The following USP42 variants were observed in gnomAD, a reference collection of about 807,000 sequenced individuals.
USP42 encodes the protein ubiquitin specific peptidase 42.
In USP42, 23 loss-of-function variants were observed where a neutral mutation model predicts 113.0. The observed-to-expected ratio is 0.20, with a 90% CI of 0.15 to 0.29. The LOEUF is 0.29. Ranked by LOEUF, USP42 falls within the 10% of genes least tolerant of loss-of-function variation. The pLI, the probability that USP42 is intolerant of heterozygous loss-of-function variation, is 1.00. For synonymous variants in USP42, 933 were observed against 699.0 expected (o/e 1.33, Z -5.28); for missense variants, 2,174 against 1,779.8 (o/e 1.22, Z -3.99).
At chr7:6,127,776 A>G (rs1780618860) in intron 3 of USP42, among the ~76,000 whole-genome samples, 1 of 152,226 alleles carries the variant, frequency 6.6e-6, no homozygotes, top group East Asian at 1.9e-4. Context: ...CAAATTATAA[A>G]ATAATCTATA....
In USP42 at chr7:6,145,605, G is replaced by C; in HGVS notation, c.1080G>C (p.Leu360=). Residue 360 remains leucine (L), a synonymous_variant, in exon 10 of 18, where the codon CTG becomes CTC. Coordinates refer to ENST00000306177, the MANE Select transcript of USP42 (RefSeq NM_032172.3). The part of the protein sequence containing the change: ...EPIVYVLYAV[L]VHTGFNCHAG... ...TTGTCTACGTCTTGTATGCAGTGCT[G>C]GTCCACACTGGTTTTAATTGCCATG... is the stretch of plus-strand genomic sequence containing the variant. The C allele has an allele frequency of 6.2e-7, 1 of 1,613,960 alleles. No homozygotes were observed. Among genetic ancestry groups the C allele is most frequent in the Non-Finnish European group, 8.5e-7 (1 of 1,179,882 alleles).
At chr7:6,130,071 C>T (rs1780765672) in intron 3 of USP42, among the ~76,000 whole-genome samples, 1 of 152,016 alleles carries the variant, frequency 6.6e-6, no homozygotes, top group Non-Finnish European at 1.5e-5. Flanking sequence ...CTGCAGCTCC[C>T]ACCTCCTGGG....
the USP42 span, among the ~76,000 whole-genome samples, chr7:6,095,637 C>G: frequency 6.6e-6 from 1 of 151,080 alleles, no homozygotes; most frequent in Non-Finnish European, 1.5e-5. Flanking sequence ...CCACTGCACT[C>G]CAGCCTGGGC....
Position 6,157,272 on chromosome 7 carries a change from GAC to G in USP42, c.3943+221_3943+222del. 1 of 1,305,876 alleles carries G rather than the reference GAC, an allele frequency of 7.7e-7. No individual in the cohort carries two copies. Among genetic ancestry groups the G allele is most frequent in the Non-Finnish European group, 9.7e-7 (1 of 1,030,296 alleles). The allele number at this position is 1,305,876 out of a possible 1,614,324, so 80.9% of individuals were successfully genotyped here. A position where few individuals can be genotyped will look rare whatever the true frequency, so the allele number is the denominator to read the frequency against. ...CTTAGCGTTTATTGAAGGCCTAAGT[GAC>G]ACAGGACTGAGGGCAGCACTACCTG... On this transcript the variant is annotated intron_variant, in intron 16 of 17. Coordinates refer to ENST00000306177, the MANE Select transcript of USP42 (RefSeq NM_032172.3). This position sits in a 1 kb window ranked among gnomAD's most constrained non-coding sequence, Gnocchi z 4.1.
In USP42 at chr7:6,115,181, G is replaced by T. The variant is rs546928415; in HGVS notation, c.242-142G>T. 6.6e-6 allele frequency: 5 copies of T among 755,468 alleles called. No homozygotes were observed. In the African/African-American group the frequency reaches 7.0e-5, roughly 11 times the overall value. The allele number at this position is 755,468 out of a possible 1,614,324, so 46.8% of individuals were successfully genotyped here. A position where few individuals can be genotyped will look rare whatever the true frequency, so the allele number is the denominator to read the frequency against. ...TGTTCTGGTTTCTGTCTTTTAAAAT[G>T]TCCCTCTTCCCCCTGTATTTCAGGT... On this transcript the variant is annotated intron_variant, in intron 2 of 17. Coordinates refer to ENST00000306177, the MANE Select transcript of USP42 (RefSeq NM_032172.3).
At chr7:6,114,150 C>G (rs2128479845) in intron 2 of USP42, among the ~76,000 whole-genome samples, 1 of 152,228 alleles carries the variant, frequency 6.6e-6, no homozygotes, top group East Asian at 1.9e-4. Context: ...GAGTTCAAAA[C>G]CTGCTTCCTT....
At chr7:6,136,044 G>A (rs983581484) in intron 4 of USP42, 93 bp downstream of exon 4, 22 of 770,256 alleles carry the variant, frequency 2.9e-5, no homozygotes, top group Middle Eastern at 3.9e-4. Flanking sequence ...TTGCTCTGTC[G>A]CCTAGGCTGG....
intron 3 of USP42, among the ~76,000 whole-genome samples, chr7:6,129,921 A>G (rs1780757893): frequency 6.6e-6 from 1 of 152,038 alleles, no homozygotes; most frequent in Non-Finnish European, 1.5e-5. Context: ...CAATGTTATA[A>G]TTTTTGTTTG....
upstream of USP42, among the ~76,000 whole-genome samples, chr7:6,101,359 C>T (rs535484399): frequency 4.0e-5 from 6 of 151,154 alleles, no homozygotes; most frequent in East Asian, 1.9e-4. Context: ...TGTGAGCCTT[C>T]GGACTTGAGG....
the USP42 span, among the ~76,000 whole-genome samples, chr7:6,088,503 C>T: frequency 3.3e-4 from 50 of 151,202 alleles, 1 homozygote; most frequent in African/African-American, 1.1e-3. Context: ...GGTGATCACC[C>T]GCCTTGGTCT....
intron 1 of USP42, among the ~76,000 whole-genome samples, chr7:6,108,714 C>T (rs1361817704): frequency 5.9e-5 from 9 of 152,052 alleles, no homozygotes; most frequent in South Asian, 2.1e-4. Flanking sequence ...CTCCTGACCT[C>T]GTGATCCACC....
At chr7:6,092,018 T>TTCC in the USP42 span, among the ~76,000 whole-genome samples, 1 of 105,728 alleles carries the variant, frequency 9.5e-6, no homozygotes, top group African/African-American at 3.7e-5. Context: ...CTTCTTCTTC[T>TTCC]TCTTCTTCTT....
chr7:6,159,508 T>C lies in USP42; in HGVS notation c.*36+15T>C. 1.2e-6 allele frequency: 2 copies of C among 1,611,588 alleles called. No homozygotes were observed. Among genetic ancestry groups the C allele is most frequent in the Non-Finnish European group, 1.7e-6 (2 of 1,177,814 alleles). ...CACTAGTTATGGTAAGCTGTTTTCC[T>C]GTCTGTTTCCTCATTGTTTGTGGTG... On this transcript the variant is annotated intron_variant, in intron 17 of 17. Coordinates refer to ENST00000306177, the MANE Select transcript of USP42 (RefSeq NM_032172.3). The surrounding 1 kb of genome is among the most constrained non-coding windows in gnomAD (Gnocchi z 4.1).
At chr7:6,082,337 C>T in the USP42 span, among the ~76,000 whole-genome samples, 1 of 151,986 alleles carries the variant, frequency 6.6e-6, no homozygotes, top group Admixed American at 6.6e-5. Flanking sequence ...ACTGTGTTAG[C>T]CAGGATGGTC....
intron 9 of USP42, among the ~76,000 whole-genome samples, chr7:6,144,638 G>C (rs1781605184): frequency 6.6e-6 from 1 of 152,202 alleles, no homozygotes; most frequent in Non-Finnish European, 1.5e-5. Flanking sequence ...AGAAGGCCTA[G>C]TTGGGCATAT....
chr7:6,083,677 T>TAC, the USP42 span, among the ~76,000 whole-genome samples: 86 of 150,018 alleles, frequency 5.7e-4, 2 homozygotes, highest in Middle Eastern at 3.4e-3. Context: ...TATGTATATA[T>TAC]ACACACACAC....
At chr7:6,111,503 T>A (rs1779594894) in intron 2 of USP42, 129 bp downstream of exon 2, 2 of 1,083,056 alleles carry the variant, frequency 1.8e-6, no homozygotes, top group Admixed American at 2.8e-5. Context: ...AGAGTTGTAT[T>A]ACTTGATGGG....
chr7:6,105,762 G>A (rs1475622132), intron 1 of USP42, among the ~76,000 whole-genome samples: 1 of 152,180 alleles, frequency 6.6e-6, no homozygotes, highest in East Asian at 1.9e-4. Flanking sequence ...CTGGAACGGG[G>A]GATCCGTTGC....
rs1782655100 is a variant in USP42 at position 6,159,562 on chromosome 7, T to G, written c.*36+69T>G. 3 of 1,484,744 alleles carry G rather than the reference T, an allele frequency of 2.0e-6. No individual in the cohort carries two copies. Among genetic ancestry groups the G allele is most frequent in the Middle Eastern group, 1.8e-4 (1 of 5,428 alleles). The allele number at this position is 1,484,744 out of a possible 1,614,324, so 92.0% of individuals were successfully genotyped here. A position where few individuals can be genotyped will look rare whatever the true frequency, so the allele number is the denominator to read the frequency against. ...CTGAGGGGACGCAGGCAGAGGAGTT[T>G]TAATTCTGCGGCTCTGCCTGGGGGC... is the stretch of plus-strand genomic sequence containing the variant. On this transcript the variant is annotated intron_variant, in intron 17 of 17. Transcript: ENST00000306177. The surrounding 1 kb of genome is among the most constrained non-coding windows in gnomAD (Gnocchi z 4.1).
Sources: gnomAD v4.1 joint callset for allele counts (sites outside exome capture counted in the v4.1 genomes callset) on GRCh38, gnomAD v4.1.1 for gene constraint, Gnocchi (gnomAD v3.1) non-coding constraint, MANE v1.5 for transcripts, NCBI Gene and HGNC (gene_info 2026-07-23, HGNC 2026-07-21) for gene names.